FNIP2: variants seen among roughly 807,000 people sequenced by gnomAD.
FNIP2 encodes the protein folliculin interacting protein 2.
A neutral mutation model predicts 108.7 loss-of-function variants in FNIP2; 32 were observed. The observed-to-expected ratio is 0.29, with a 90% CI of 0.22 to 0.40. FNIP2 has a LOEUF of 0.40. FNIP2 is among the 10% of genes least tolerant of loss of function. The probability of loss-of-function intolerance (pLI) is 1.00; values close to 1 mark genes in which losing one functional copy is unlikely to be tolerated. For missense variants in FNIP2, 1,202 were observed against 1,381.6 expected, an observed-to-expected ratio of 0.87 and a Z score of 2.06; for synonymous variants, 480 against 496.7, an observed-to-expected ratio of 0.97 and a Z score of 0.45.
In FNIP2 at chr4:158,769,153, G is replaced by C. The variant is rs1051008259; in HGVS notation, c.-60G>C. ...CCCCGCCACCGCGGCCGCCGCCCCC[G>C]GCTGCGCGCTGAGCCGCCGGCCCCC... On this transcript the variant is annotated 5_prime_UTR_variant, in exon 1 of 17. Transcript: ENST00000264433. 3 of 860,306 alleles carry C rather than the reference G, an allele frequency of 3.5e-6. No homozygotes were observed. The East Asian group carries it at 3.2e-4, about 91-fold the overall frequency. The allele number at this position is 860,306 out of a possible 1,614,324, so 53.3% of individuals were successfully genotyped here.
intron 1 of FNIP2, among the ~76,000 whole-genome samples, chr4:158,791,266 CTTTT>C (rs199714823): frequency 2.6e-3 from 250 of 97,896 alleles, no homozygotes; most frequent in African/African-American, 8.6e-3. Flanking sequence ...ACTGAGGATC[CTTTT>C]TTTTTTTTTT....
intron 6 of FNIP2, chr4:158,834,582 A>C (rs1778693754): frequency 1.3e-5 from 2 of 152,208 alleles, no homozygotes; most frequent in African/African-American, 4.8e-5. Flanking sequence ...AGGAAAATGC[A>C]TTTAAATACT....
intron 7 of FNIP2, among the ~76,000 whole-genome samples, chr4:158,845,304 G>A (rs1472377511): frequency 2.0e-5 from 3 of 152,212 alleles, no homozygotes; most frequent in Non-Finnish European, 4.4e-5. Flanking sequence ...TTAACTGGAG[G>A]CACAGCTAGC....
chr4:158,859,732 C>A, intron 10 of FNIP2, 66 bp downstream of exon 10: 1 of 1,344,206 alleles, frequency 7.4e-7, no homozygotes, highest in Non-Finnish European at 1.1e-6. Context: ...TAAAGATAAA[C>A]TGTGACTTGG....
chr4:158,881,784 G>A (rs1423777697), intron 14 of FNIP2, among the ~76,000 whole-genome samples: 3 of 151,864 alleles, frequency 2.0e-5, no homozygotes, highest in Non-Finnish European at 4.4e-5. Context: ...GTGCAGTGGC[G>A]TGATCTCGGC....
At chr4:158,878,610 T>C (rs1781409658) in intron 14 of FNIP2, among the ~76,000 whole-genome samples, 1 of 152,166 alleles carries the variant, frequency 6.6e-6, no homozygotes, top group Non-Finnish European at 1.5e-5. Context: ...CACAAGCTTA[T>C]GAGACGCATA....
At chr4:158,796,122 C>T (rs1473512174) in intron 1 of FNIP2, 2 of 152,022 alleles carry the variant, frequency 1.3e-5, no homozygotes, top group African/African-American at 4.8e-5. Context: ...TTATAGAGTC[C>T]GTTCTATCTT....
At chr4:158,829,261 G>A (rs1461382027) in intron 3 of FNIP2, 36 bp downstream of exon 3, 2 of 1,531,450 alleles carry the variant, frequency 1.3e-6, no homozygotes, top group Admixed American at 4.0e-5. Flanking sequence ...AGCCCCTGAG[G>A]TTAAAGTTAT....
intron 12 of FNIP2, among the ~76,000 whole-genome samples, chr4:158,862,571 T>C (rs1289215427): frequency 1.3e-5 from 2 of 152,250 alleles, no homozygotes; most frequent in Non-Finnish European, 2.9e-5. Context: ...GAATAAAGTC[T>C]AGTGTTCTTT....
In FNIP2 at chr4:158,868,746, C is replaced by G. The variant is rs1480180708; in HGVS notation, c.2110C>G (p.Pro704Ala). The G allele has an allele frequency of 6.2e-7, 1 of 1,613,950 alleles. No homozygotes were observed. Among genetic ancestry groups the G allele is most frequent in the Non-Finnish European group, 8.5e-7 (1 of 1,179,896 alleles). Residue 704 changes from proline to alanine, a missense_variant, in exon 13 of 17, where the codon CCT (proline) becomes GCT (alanine). This residue lies in a region of FNIP2 where 878 missense variants were observed against 990.3 expected (regional missense o/e 0.89). Transcript: ENST00000264433. This position sits in a 1 kb window ranked among gnomAD's most constrained non-coding sequence, Gnocchi z 4.6. The part of the protein sequence containing the change: ...LPDRSVAWPC[P>A]DRHLREKPSL... ...AGACCGGTCAGTGGCCTGGCCTTGC[C>G]CTGACAGACATCTCCGGGAGAAACC...
chr4:158,807,579 C>G (rs1474379070), intron 1 of FNIP2, among the ~76,000 whole-genome samples: 1 of 152,076 alleles, frequency 6.6e-6, no homozygotes, highest in Non-Finnish European at 1.5e-5. Flanking sequence ...ATTAACATAT[C>G]TCATCAACTT....
At chr4:158,822,699 A>G (rs917256405) in intron 1 of FNIP2, among the ~76,000 whole-genome samples, 5 of 152,070 alleles carry the variant, frequency 3.3e-5, no homozygotes, top group East Asian at 1.9e-4. Flanking sequence ...GGGTCTTGCT[A>G]TGTCATCCAG....
chr4:158,803,900 C>T (rs933450237), intron 1 of FNIP2, among the ~76,000 whole-genome samples: 1 of 152,122 alleles, frequency 6.6e-6, no homozygotes, highest in Non-Finnish European at 1.5e-5. Flanking sequence ...CAAAGAAGCA[C>T]ACTGCTTGTT....
At chr4:158,800,132 A>G (rs1776712393) in intron 1 of FNIP2, among the ~76,000 whole-genome samples, 1 of 152,032 alleles carries the variant, frequency 6.6e-6, no homozygotes, top group Non-Finnish European at 1.5e-5. Flanking sequence ...GATTTCCTGG[A>G]GCCTTAACTT....
At chr4:158,816,234 G>A (rs1578856869) in intron 1 of FNIP2, among the ~76,000 whole-genome samples, 1 of 152,272 alleles carries the variant, frequency 6.6e-6, no homozygotes, top group East Asian at 1.9e-4. Flanking sequence ...TTGGAAAATG[G>A]AAGTATTACC....
At chr4:158,814,286 G>T (rs1777444049) in intron 1 of FNIP2, among the ~76,000 whole-genome samples, 1 of 152,218 alleles carries the variant, frequency 6.6e-6, no homozygotes, top group Non-Finnish European at 1.5e-5. Context: ...CCAGGAGACT[G>T]ATTTTAGTCC....
At chr4:158,771,452 T>C (rs1339765034) in intron 1 of FNIP2, among the ~76,000 whole-genome samples, 1 of 152,230 alleles carries the variant, frequency 6.6e-6, no homozygotes, top group Non-Finnish European at 1.5e-5. Flanking sequence ...ATTGTGAACC[T>C]GTGTTTCATT....
intron 14 of FNIP2, among the ~76,000 whole-genome samples, chr4:158,887,448 T>A (rs1375165601): frequency 6.6e-6 from 1 of 152,050 alleles, no homozygotes; most frequent in Non-Finnish European, 1.5e-5. Context: ...TAAAAAATAG[T>A]CTTCCCAGCC....
At chr4:158,859,381 T>C in intron 9 of FNIP2, 123 bp downstream of exon 9, 2 of 1,183,940 alleles carry the variant, frequency 1.7e-6, no homozygotes, top group Non-Finnish European at 2.4e-6. Flanking sequence ...GTAGCAGTGA[T>C]AAATTTTAGG....
Sources: gnomAD v4.1 joint callset for allele counts (sites outside exome capture counted in the v4.1 genomes callset) on GRCh38, gnomAD v4.1.1 for gene constraint, gnomAD v4.1.1 regional missense constraint, Gnocchi (gnomAD v3.1) non-coding constraint, MANE v1.5 for transcripts, NCBI Gene and HGNC (gene_info 2026-07-23, HGNC 2026-07-21) for gene names.